The following IFT80 variants were observed in gnomAD, a reference collection of about 807,000 sequenced individuals.
IFT80 encodes intraflagellar transport protein 80 homolog.
A neutral mutation model predicts 107.9 loss-of-function variants in IFT80; 79 were observed. The ratio of observed to expected loss-of-function variants is 0.73; its 90% CI spans 0.61 to 0.88. IFT80 has a LOEUF of 0.88. Among genes scored for constraint, IFT80 ranks in the 40% least tolerant of loss-of-function variants. IFT80 has a pLI of 0.00. For synonymous variants in IFT80, 299 were observed against 300.9 expected (o/e 0.99, Z 0.07); for missense variants, 797 against 914.2 (o/e 0.87, Z 1.65).
At chr3:160,316,629 C>T (rs1717842062) in intron 9 of IFT80, among the ~76,000 whole-genome samples, 1 of 152,114 alleles carries the variant, frequency 6.6e-6, no homozygotes, top group Non-Finnish European at 1.5e-5. Context: ...CATAAATATA[C>T]ATTGATTTTC....
At chr3:160,299,689 T>C (rs145375132) in intron 12 of IFT80, among the ~76,000 whole-genome samples, 37 of 152,280 alleles carry the variant, frequency 2.4e-4, no homozygotes, top group African/African-American at 7.9e-4. Context: ...AGTATACCAA[T>C]GACCACCAAA....
chr3:160,368,092 G>A (rs1278673614), intron 5 of IFT80, among the ~76,000 whole-genome samples: 1 of 151,800 alleles, frequency 6.6e-6, no homozygotes. Context: ...AATCATTAAG[G>A]AATTTACATT....
At chr3:160,280,611 T>C (rs1576745188) in intron 15 of IFT80, 56 bp downstream of exon 15, 2 of 1,438,562 alleles carry the variant, frequency 1.4e-6, no homozygotes, top group East Asian at 2.3e-5. Context: ...CAAAACATGA[T>C]ACTCTATTAG....
At chr3:160,276,699 A>G (rs1487449245) in intron 18 of IFT80, among the ~76,000 whole-genome samples, 2 of 152,192 alleles carry the variant, frequency 1.3e-5, no homozygotes, top group African/African-American at 4.8e-5. Flanking sequence ...GCTGTTGACC[A>G]ATCCTTTCCT....
intron 8 of IFT80, among the ~76,000 whole-genome samples, chr3:160,321,228 T>C (rs1038197173): frequency 6.6e-6 from 1 of 152,022 alleles, no homozygotes; most frequent in South Asian, 2.1e-4. Context: ...ACTTCAAAGA[T>C]ACTAATAACC....
At chr3:160,261,403 T>C (rs1393235795) in intron 19 of IFT80, among the ~76,000 whole-genome samples, 1 of 150,142 alleles carries the variant, frequency 6.7e-6, no homozygotes, top group Admixed American at 6.7e-5. Flanking sequence ...CATAGAGAGA[T>C]AATAAACAAA....
intron 8 of IFT80, among the ~76,000 whole-genome samples, chr3:160,330,047 A>G (rs1417338511): frequency 6.6e-6 from 1 of 152,198 alleles, no homozygotes; most frequent in Non-Finnish European, 1.5e-5. Flanking sequence ...CCCTACCCCA[A>G]GCTATTGAAT....
intron 8 of IFT80, among the ~76,000 whole-genome samples, chr3:160,332,767 A>C (rs1393419447): frequency 6.6e-6 from 1 of 152,264 alleles, no homozygotes; most frequent in Admixed American, 6.5e-5. Flanking sequence ...TAGGGTTGCA[A>C]AATGGGTAAT....
At chr3:160,279,439 G>T in intron 15 of IFT80, 75 bp from the exon 16 acceptor site, 1 of 1,210,548 alleles carries the variant, frequency 8.3e-7, no homozygotes, top group South Asian at 1.3e-5. Context: ...TAAATTTGGG[G>T]AGTGGACCGT....
At chr3:160,394,795 C>T (rs1713654594) in intron 1 of IFT80, among the ~76,000 whole-genome samples, 1 of 151,648 alleles carries the variant, frequency 6.6e-6, no homozygotes, top group Admixed American at 6.6e-5. Context: ...TGAATTTGTA[C>T]ATGTTGATAT....
At chr3:160,397,716 CTTTTTTT>C (rs545413654) in intron 1 of IFT80, among the ~76,000 whole-genome samples, 29 of 96,598 alleles carry the variant, frequency 3.0e-4, no homozygotes, top group Admixed American at 6.0e-4. Context: ...TTGGTCTATA[CTTTTTTT>C]TTTTTTTTTT....
At chr3:160,289,172 C>A (rs1715335929) in intron 12 of IFT80, among the ~76,000 whole-genome samples, 1 of 152,136 alleles carries the variant, frequency 6.6e-6, no homozygotes, top group Non-Finnish European at 1.5e-5. Flanking sequence ...GTTGATGGAG[C>A]TGGAGGCCAT....
intron 12 of IFT80, among the ~76,000 whole-genome samples, chr3:160,290,900 A>G (rs934368389): frequency 6.6e-6 from 1 of 152,126 alleles, no homozygotes; most frequent in Non-Finnish European, 1.5e-5. Flanking sequence ...CTCATTTACC[A>G]GGATATATTA....
intron 1 of IFT80, among the ~76,000 whole-genome samples, chr3:160,389,888 T>C (rs866734915): frequency 3.3e-5 from 5 of 152,244 alleles, no homozygotes; most frequent in Middle Eastern, 3.4e-3. Flanking sequence ...TAGTTCTAGA[T>C]CCCTGAGGAA....
intron 19 of IFT80, among the ~76,000 whole-genome samples, chr3:160,259,662 A>G (rs552305477): frequency 6.6e-6 from 1 of 152,320 alleles, no homozygotes; most frequent in Non-Finnish European, 1.5e-5. Context: ...CCCCTCCCCT[A>G]GCCCAGCCCT....
chr3:160,395,788 C>T (rs775121786), intron 1 of IFT80, among the ~76,000 whole-genome samples: 1 of 152,134 alleles, frequency 6.6e-6, no homozygotes, highest in Non-Finnish European at 1.5e-5. Flanking sequence ...AACCCTTAAT[C>T]CAGTTATAGT....
chr3:160,364,703 G>A (rs1197951615), intron 6 of IFT80, among the ~76,000 whole-genome samples: 1 of 152,020 alleles, frequency 6.6e-6, no homozygotes. Context: ...TCCTTTGCAG[G>A]GACATGGATG....
intron 8 of IFT80, among the ~76,000 whole-genome samples, chr3:160,352,468 C>G (rs1264240881): frequency 6.6e-6 from 1 of 152,150 alleles, no homozygotes; most frequent in Non-Finnish European, 1.5e-5. Context: ...GTAGACTAAG[C>G]ATTGCCCATT....
intron 1 of IFT80, among the ~76,000 whole-genome samples, chr3:160,397,176 TCC>T (rs1491149303): frequency 1.3e-5 from 2 of 150,318 alleles, no homozygotes; most frequent in Non-Finnish European, 2.9e-5. Context: ...CCAAAATGAC[TCC>T]AGATTTTTTT....
Sources: allele counts gnomAD v4.1 joint callset (sites outside exome capture counted in the v4.1 genomes callset), GRCh38; gene constraint gnomAD v4.1.1; transcripts MANE v1.5; gene names NCBI Gene and HGNC (gene_info 2026-07-23, HGNC 2026-07-21).